The following TMEM132D variants were observed in gnomAD, a reference collection of about 807,000 sequenced individuals.
TMEM132D encodes transmembrane protein 132D, also known as mature OL transmembrane protein.
A neutral mutation model predicts 62.3 loss-of-function variants in TMEM132D; 21 were observed. The observed-to-expected ratio is 0.34, with a 90% CI of 0.24 to 0.49. The LOEUF (loss-of-function observed/expected upper bound fraction) is 0.49. Among genes scored for constraint, TMEM132D ranks in the 20% least tolerant of loss-of-function variants. The probability of loss-of-function intolerance (pLI) is 0.99; values close to 1 mark genes in which losing one functional copy is unlikely to be tolerated. For missense variants in TMEM132D, 1,346 were observed against 1,402.8 expected, an observed-to-expected ratio of 0.96 and a Z score of 0.65; for synonymous variants, 621 against 575.6, an observed-to-expected ratio of 1.08 and a Z score of -1.13.
At chr12:129,118,284 T>C (rs748499178) in intron 5 of TMEM132D, among the ~76,000 whole-genome samples, 6 of 152,126 alleles carry the variant, frequency 3.9e-5, no homozygotes, top group Non-Finnish European at 8.8e-5. Context: ...ACATAAGAGA[T>C]GGAGATGGAA....
At chr12:129,217,403 T>A (rs552824501) in intron 4 of TMEM132D, among the ~76,000 whole-genome samples, 105 of 152,230 alleles carry the variant, frequency 6.9e-4, no homozygotes, top group African/African-American at 2.4e-3. Flanking sequence ...GTGCTTAACA[T>A]CACAGTGATT....
chr12:129,457,360 T>A (rs1465496633), intron 3 of TMEM132D, among the ~76,000 whole-genome samples: 1 of 145,934 alleles, frequency 6.9e-6, no homozygotes, highest in Non-Finnish European at 1.5e-5. Flanking sequence ...AAACACCGCA[T>A]GTTCTCACTC....
intron 5 of TMEM132D, among the ~76,000 whole-genome samples, chr12:129,103,916 T>C (rs577759814): frequency 3.3e-5 from 5 of 152,308 alleles, no homozygotes; most frequent in African/African-American, 1.2e-4. Context: ...GGAAGAACAT[T>C]CCATGCTCGT....
intron 2 of TMEM132D, among the ~76,000 whole-genome samples, chr12:129,543,485 A>C (rs552144534): frequency 2.6e-5 from 4 of 152,332 alleles, no homozygotes; most frequent in African/African-American, 7.2e-5. Flanking sequence ...AAAATATCAT[A>C]ATTGAAAATG....
At chr12:129,182,289 G>C (rs746274723) in intron 5 of TMEM132D, among the ~76,000 whole-genome samples, 1 of 152,194 alleles carries the variant, frequency 6.6e-6, no homozygotes, top group African/African-American at 2.4e-5. Flanking sequence ...GCTTGACCCT[G>C]GGAGGCAGTG....
intron 3 of TMEM132D, among the ~76,000 whole-genome samples, chr12:129,452,847 T>C (rs1381004267): frequency 5.9e-5 from 9 of 152,198 alleles, no homozygotes; most frequent in Admixed American, 5.9e-4. Flanking sequence ...ACATATAGTT[T>C]CTTTCGTAAC....
intron 1 of TMEM132D, among the ~76,000 whole-genome samples, chr12:129,900,270 A>G (rs1339582733): frequency 6.6e-6 from 1 of 152,208 alleles, no homozygotes; most frequent in African/African-American, 2.4e-5. Flanking sequence ...AAAGTGCCTA[A>G]ACTGTCTGGG....
At position 129,081,168 on chromosome 12, in the gene TMEM132D, G is replaced by C. The variant is rs147795531; in HGVS notation, c.1923+591C>G. 7.6e-4 allele frequency among the ~76,000 whole-genome samples: 116 copies of C among 152,354 alleles called. 1 individual carries two copies. The East Asian group carries it at 0.022, about 29-fold the overall frequency. On this transcript the variant is annotated intron_variant, in intron 7 of 8. Transcript: ENST00000422113. ...CCTCAAAAGCTTGTTTACCAAGATG[G>C]TAACGCCTACCATGGCTTGGGCAAA...
intron 1 of TMEM132D, among the ~76,000 whole-genome samples, chr12:129,771,603 G>T (rs1411681159): frequency 1.3e-5 from 2 of 152,228 alleles, no homozygotes; most frequent in Non-Finnish European, 2.9e-5. Flanking sequence ...AAGGCACCTT[G>T]TTCCTTAACA....
chr12:129,357,872 C>A (rs1870124332), intron 3 of TMEM132D, among the ~76,000 whole-genome samples: 1 of 152,202 alleles, frequency 6.6e-6, no homozygotes, highest in Admixed American at 6.5e-5. Flanking sequence ...GTCATCCTCT[C>A]CCATTCCCGC....
chr12:129,897,550 G>T (rs1301218489), intron 1 of TMEM132D, among the ~76,000 whole-genome samples: 1 of 152,020 alleles, frequency 6.6e-6, no homozygotes, highest in Non-Finnish European at 1.5e-5. Flanking sequence ...CTAGGGAGGT[G>T]GGGGAGGAGG....
intron 2 of TMEM132D, among the ~76,000 whole-genome samples, chr12:129,572,181 A>T (rs963794659): frequency 1.3e-5 from 2 of 152,234 alleles, no homozygotes; most frequent in Admixed American, 1.3e-4. Context: ...GCACAGTCAC[A>T]TTTTAGGTGA....
In TMEM132D at chr12:129,125,669, TTTC is replaced by T. The variant is rs201398988; in HGVS notation, c.1444-40970_1444-40968del. Among the ~76,000 whole-genome samples the T allele has an allele frequency of 8.9e-3, 1,350 of 152,004 alleles. 12 individuals carry two copies. The highest frequency in any genetic ancestry group is 0.025 in the African/African-American group (1,030 of 41,410). ...TGTTTGGTCAATTTTTCTTTTCTTT[TTTC>T]TTTTTTTTTTGGTATAAACGGGGTT... On this transcript the variant is annotated intron_variant, in intron 5 of 8. Coordinates refer to ENST00000422113, the MANE Select transcript of TMEM132D (RefSeq NM_133448.3).
At chr12:129,447,496 G>A (rs1247998658) in intron 3 of TMEM132D, among the ~76,000 whole-genome samples, 3 of 152,120 alleles carry the variant, frequency 2.0e-5, no homozygotes, top group Admixed American at 2.0e-4. Flanking sequence ...CGAGGGCTCC[G>A]CATCTGGACT....
At chr12:129,607,209 C>T (rs888442946) in intron 2 of TMEM132D, among the ~76,000 whole-genome samples, 4 of 152,102 alleles carry the variant, frequency 2.6e-5, no homozygotes, top group South Asian at 2.1e-4. Context: ...GAAATGATAC[C>T]GATTAAAATC....
intron 1 of TMEM132D, among the ~76,000 whole-genome samples, chr12:129,750,355 G>A (rs1407982866): frequency 6.6e-6 from 1 of 152,178 alleles, no homozygotes; most frequent in Non-Finnish European, 1.5e-5. Flanking sequence ...AAAGTGCTGG[G>A]ATTACAGGCG....
chr12:129,310,263 G>A (rs184006968), intron 4 of TMEM132D, among the ~76,000 whole-genome samples: 124 of 152,330 alleles, frequency 8.1e-4, no homozygotes, highest in Admixed American at 2.0e-3. Flanking sequence ...GGATGCCAGG[G>A]AACCGGTCAG....
chr12:129,088,435 G>GA (rs1289351977), intron 5 of TMEM132D, among the ~76,000 whole-genome samples: 3 of 42,862 alleles, frequency 7.0e-5, no homozygotes, highest in South Asian at 8.0e-4. Context: ...CTATGACCGG[G>GA]TGTCCTCCAT....
chr12:129,797,428 TG>T (rs1439762012), intron 1 of TMEM132D, among the ~76,000 whole-genome samples: 1 of 152,210 alleles, frequency 6.6e-6, no homozygotes, highest in Admixed American at 6.5e-5. Context: ...ACCCAGAGCA[TG>T]CAGTTTGCAG....
Sources: allele counts gnomAD v4.1 joint callset (sites outside exome capture counted in the v4.1 genomes callset), GRCh38; gene constraint gnomAD v4.1.1; transcripts MANE v1.5; gene names NCBI Gene and HGNC (gene_info 2026-07-23, HGNC 2026-07-21).